Variants in PIEZO2 observed in about 807,000 individuals in gnomAD.
PIEZO2 encodes piezo type mechanosensitive ion channel component 2.
Under a neutral mutation model 337.3 loss-of-function variants are expected in PIEZO2, and 172 were observed. The observed-to-expected ratio is 0.51, with a 90% CI of 0.45 to 0.58. The LOEUF (loss-of-function observed/expected upper bound fraction) is 0.58. Among genes scored for constraint, PIEZO2 ranks in the 20% least tolerant of loss-of-function variants. PIEZO2 has a pLI of 0.00. For missense variants in PIEZO2, 3,028 were observed against 3,391.3 expected (o/e 0.89, Z 2.66); for synonymous variants, 1,251 against 1,228.5 (o/e 1.02, Z -0.38).
In PIEZO2 at chr18:10,704,656, T is replaced by A; in HGVS notation, c.6000-4A>T. 1 of 1,535,206 alleles carries A rather than the reference T, an allele frequency of 6.5e-7. No individual in the cohort carries two copies. Among genetic ancestry groups the A allele is most frequent in the Non-Finnish European group, 8.7e-7 (1 of 1,145,182 alleles). On this transcript the variant is annotated splice_region_variant and splice_polypyrimidine_tract_variant and intron_variant, in intron 41 of 55. Coordinates refer to ENST00000674853, the MANE Select transcript of PIEZO2 (RefSeq NM_001378183.1). Reference sequence around the variant, plus strand: ...AAGCTCATCGTCGTGAAACATCCTGTTAAAGCAAACCACATGATAATATGT... The same window carrying A: ...AAGCTCATCGTCGTGAAACATCCTGATAAAGCAAACCACATGATAATATGT...
At chr18:10,798,277 GC>G (rs1379892659) in intron 11 of PIEZO2, among the ~76,000 whole-genome samples, 1 of 152,212 alleles carries the variant, frequency 6.6e-6, no homozygotes, top group African/African-American at 2.4e-5. Context: ...TGCCCTTTCT[GC>G]CTTTCTTGTT....
intron 7 of PIEZO2, among the ~76,000 whole-genome samples, chr18:10,838,001 C>T (rs1252394439): frequency 2.6e-5 from 4 of 152,124 alleles, no homozygotes; most frequent in Non-Finnish European, 5.9e-5. Context: ...ATCTGTCCGC[C>T]TCGGCCTCCC....
intron 7 of PIEZO2, among the ~76,000 whole-genome samples, chr18:10,816,924 T>C (rs886212866): frequency 3.3e-5 from 5 of 152,160 alleles, no homozygotes; most frequent in Non-Finnish European, 1.5e-5. Flanking sequence ...ACATTGAAGA[T>C]ACGTTGGGGC....
chr18:10,939,116 T>G (rs2032573235), intron 3 of PIEZO2, among the ~76,000 whole-genome samples: 1 of 152,192 alleles, frequency 6.6e-6, no homozygotes, highest in South Asian at 2.1e-4. Context: ...TAACATGCTT[T>G]CAAGAAACAA....
chr18:11,100,898 A>T (rs1181672081), intron 1 of PIEZO2, among the ~76,000 whole-genome samples: 1 of 152,012 alleles, frequency 6.6e-6, no homozygotes, highest in Non-Finnish European at 1.5e-5. Context: ...CCTGGCCCAC[A>T]TTTTCACTTT....
chr18:10,959,813 A>C (rs1045297811), intron 3 of PIEZO2, among the ~76,000 whole-genome samples: 2 of 152,240 alleles, frequency 1.3e-5, no homozygotes, highest in African/African-American at 4.8e-5. Flanking sequence ...AAAGTTAAAT[A>C]AATTACGTAA....
At chr18:11,034,963 G>A (rs764538335) in intron 2 of PIEZO2, among the ~76,000 whole-genome samples, 2 of 152,226 alleles carry the variant, frequency 1.3e-5, no homozygotes, top group African/African-American at 4.8e-5. Context: ...CTGCCAGACA[G>A]GTTCCTTTTC....
Position 10,859,502 on chromosome 18 carries a change from C to A in PIEZO2, c.493-2291G>T, listed in dbSNP as rs151155145. On this transcript the variant is annotated intron_variant, in intron 5 of 55. Coordinates refer to ENST00000674853, the MANE Select transcript of PIEZO2 (RefSeq NM_001378183.1). The surrounding 1 kb of genome is among the most constrained non-coding windows in gnomAD (Gnocchi z 4.9). ...GACTGCATCCCATCTGCTCAGGACA[C>A]CAGGGAGAGAACAGCCCAGCCATCC... Among the ~76,000 whole-genome samples, 29 of 152,350 alleles carry A rather than the reference C, an allele frequency of 1.9e-4. No homozygotes were observed. The highest frequency in any genetic ancestry group is 3.7e-4 in the Non-Finnish European group (25 of 68,028).
chr18:10,830,714 A>C lies in PIEZO2; in HGVS notation c.918-23440T>G, dbSNP rs998722493. Reference sequence around the variant, plus strand: ...CAGATTGAAACGCTTCTGAACGGCAAAGGAAACAATTAGCAAAGTAAAGAG... The same window carrying C: ...CAGATTGAAACGCTTCTGAACGGCACAGGAAACAATTAGCAAAGTAAAGAG... On this transcript the variant is annotated intron_variant, in intron 7 of 55. Transcript: ENST00000674853. The surrounding 1 kb of genome is among the most constrained non-coding windows in gnomAD (Gnocchi z 4.7). 1.3e-5 allele frequency among the ~76,000 whole-genome samples: 2 copies of C among 152,250 alleles called. No homozygotes were observed. The highest frequency in any genetic ancestry group is 4.8e-5 in the African/African-American group (2 of 41,476).
chr18:10,886,933 T>C (rs1296808873), intron 4 of PIEZO2, among the ~76,000 whole-genome samples: 1 of 152,042 alleles, frequency 6.6e-6, no homozygotes, highest in Non-Finnish European at 1.5e-5. Context: ...GTGCTGGCAT[T>C]TGCTTGGTGT....
At chr18:10,965,251 G>A (rs2033949371) in intron 3 of PIEZO2, among the ~76,000 whole-genome samples, 1 of 152,216 alleles carries the variant, frequency 6.6e-6, no homozygotes, top group African/African-American at 2.4e-5. Flanking sequence ...ATTCCCACCA[G>A]CAGAGAGCTC....
At chr18:11,007,475 T>C (rs962465778) in intron 2 of PIEZO2, among the ~76,000 whole-genome samples, 10 of 152,198 alleles carry the variant, frequency 6.6e-5, no homozygotes, top group Non-Finnish European at 4.4e-5. Flanking sequence ...CATATGCCTT[T>C]CACTCAGTCC....
chr18:10,866,037 G>A (rs879451056), intron 5 of PIEZO2, among the ~76,000 whole-genome samples: 13 of 152,172 alleles, frequency 8.5e-5, no homozygotes, highest in Non-Finnish European at 1.8e-4. Flanking sequence ...GGTGAAAGGC[G>A]TTTTTGGAGC....
intron 1 of PIEZO2, among the ~76,000 whole-genome samples, chr18:11,124,420 C>G (rs1335049141): frequency 6.6e-6 from 1 of 152,200 alleles, no homozygotes; most frequent in East Asian, 1.9e-4. Flanking sequence ...TACAACATCA[C>G]TGTGCAATAG....
At chr18:11,085,523 G>C (rs547562686) in intron 1 of PIEZO2, among the ~76,000 whole-genome samples, 1 of 152,230 alleles carries the variant, frequency 6.6e-6, no homozygotes, top group Non-Finnish European at 1.5e-5. Flanking sequence ...TCTCCACTCA[G>C]CCCTTGCTAC....
At chr18:10,972,612 AG>A (rs1443882652) in intron 3 of PIEZO2, among the ~76,000 whole-genome samples, 4 of 152,210 alleles carry the variant, frequency 2.6e-5, no homozygotes, top group Non-Finnish European at 4.4e-5. Flanking sequence ...AACCACATGG[AG>A]TAGAGTAGGT....
Position 10,795,379 on chromosome 18 carries a change from ATTTTATTTTATTTTAT to A in PIEZO2, c.1528-393_1528-378del, listed in dbSNP as rs879369142. Among the ~76,000 whole-genome samples, 23,505 of 64,770 alleles carry A rather than the reference ATTTTATTTTATTTTAT, an allele frequency of 0.36. 2,702 individuals carry two copies. The highest frequency in any genetic ancestry group is 0.4 in the South Asian group (915 of 2,270). 42.5% of individuals were successfully genotyped at this position (64,770 alleles called of 152,430 possible). The stretch of plus-strand genomic sequence containing the variant: ...ATTTTATTTTATTTTATTTTATTTT[ATTTTATTTTATTTTAT>A]TTTATTTTATTTTATTCAGCTCTAT... On this transcript the variant is annotated intron_variant, in intron 12 of 55. Coordinates refer to ENST00000674853, the MANE Select transcript of PIEZO2 (RefSeq NM_001378183.1). This position sits in a 1 kb window ranked among gnomAD's most constrained non-coding sequence, Gnocchi z 4.4.
chr18:10,829,063 A>G (rs951712412), intron 7 of PIEZO2, among the ~76,000 whole-genome samples: 1 of 152,168 alleles, frequency 6.6e-6, no homozygotes, highest in Non-Finnish European at 1.5e-5. Context: ...GTTCCTTCAC[A>G]TGACTTATTG....
In PIEZO2 at chr18:11,077,106, A is replaced by G. The variant is rs2038574405; in HGVS notation, c.65-10884T>C. Among the ~76,000 whole-genome samples the G allele has an allele frequency of 6.6e-6, 1 of 152,212 alleles. No individual in the cohort carries two copies. Among genetic ancestry groups the G allele is most frequent in the African/African-American group, 2.4e-5 (1 of 41,452 alleles). On this transcript the variant is annotated intron_variant, in intron 1 of 55. Coordinates refer to ENST00000674853, the MANE Select transcript of PIEZO2 (RefSeq NM_001378183.1). The surrounding 1 kb of genome is among the most constrained non-coding windows in gnomAD (Gnocchi z 4.8). ...TCAGACAAATTATACTTGAAATTAGACCTATTTCATTATGAATATAAAGAG... is the reference window on the plus strand; with the variant it reads ...TCAGACAAATTATACTTGAAATTAGGCCTATTTCATTATGAATATAAAGAG...
Sources: allele counts gnomAD v4.1 joint callset (sites outside exome capture counted in the v4.1 genomes callset), GRCh38; gene constraint gnomAD v4.1.1; non-coding constraint Gnocchi (gnomAD v3.1); transcripts MANE v1.5; gene names NCBI Gene and HGNC (gene_info 2026-07-23, HGNC 2026-07-21).